Variants in PLCB1 observed in about 807,000 individuals in gnomAD.
PLCB1 encodes phospholipase C beta 1.
A neutral mutation model predicts 161.8 loss-of-function variants in PLCB1; 46 were observed. The ratio of observed to expected loss-of-function variants is 0.28; its 90% CI spans 0.22 to 0.36. PLCB1 has a LOEUF of 0.36. Among genes scored for constraint, PLCB1 ranks in the 10% least tolerant of loss-of-function variants. PLCB1 has a pLI of 1.00. For missense variants in PLCB1, 1,016 were observed against 1,472.5 expected, an observed-to-expected ratio of 0.69 and a Z score of 5.07; for synonymous variants, 517 against 503.7, an observed-to-expected ratio of 1.03 and a Z score of -0.35.
intron 3 of PLCB1, among the ~76,000 whole-genome samples, chr20:8,406,742 GT>G (rs1978804105): frequency 1.3e-5 from 2 of 152,240 alleles, no homozygotes; most frequent in South Asian, 4.1e-4. Flanking sequence ...CTATTATTCA[GT>G]TTTACCAGTA....
At chr20:8,833,996 C>G (rs930650512) in intron 31 of PLCB1, among the ~76,000 whole-genome samples, 1 of 152,120 alleles carries the variant, frequency 6.6e-6, no homozygotes, top group South Asian at 2.1e-4. Context: ...AAAAAAAAAT[C>G]TGATCAAAAG....
chr20:8,482,196 C>T (rs999266912), intron 3 of PLCB1, among the ~76,000 whole-genome samples: 6 of 146,260 alleles, frequency 4.1e-5, no homozygotes, highest in African/African-American at 5.1e-5. Context: ...CTCTGCCTCT[C>T]GGGTTCAAGC....
intron 3 of PLCB1, among the ~76,000 whole-genome samples, chr20:8,483,140 A>G (rs1402284526): frequency 2.0e-5 from 3 of 152,350 alleles, no homozygotes; most frequent in Non-Finnish European, 4.4e-5. Context: ...ATTTCTATCT[A>G]ATAAACATTA....
rs1235694748 is a variant in PLCB1 at position 8,831,979 on chromosome 20, T to TTTCC, written c.3423+41722_3423+41725dup. 3.2e-4 allele frequency among the ~76,000 whole-genome samples: 37 copies of TTTCC among 115,556 alleles called. 7 individuals are homozygous for TTTCC. Among genetic ancestry groups the TTTCC allele is most frequent in the African/African-American group, 5.7e-4 (18 of 31,752 alleles). The allele number at this position is 115,556 out of a possible 152,430, so 75.8% of individuals were successfully genotyped here. ...CTTTCTTTCTTTCTTTCTTTCTTTC[T>TTTCC]TTCCTTCTTTCTTTCTGTGCTTCTT... On this transcript the variant is annotated intron_variant, in intron 31 of 31. Transcript: ENST00000338037.
At chr20:8,697,013 G>A (rs1201644265) in intron 10 of PLCB1, among the ~76,000 whole-genome samples, 4 of 152,174 alleles carry the variant, frequency 2.6e-5, no homozygotes, top group South Asian at 2.1e-4. Flanking sequence ...GATTATAGGC[G>A]TGAGCCACTG....
intron 2 of PLCB1, among the ~76,000 whole-genome samples, chr20:8,267,415 A>G (rs1416161671): frequency 6.6e-6 from 1 of 152,126 alleles, no homozygotes; most frequent in African/African-American, 2.4e-5. Context: ...TCTCTGTGGT[A>G]TAATCCATGC....
chr20:8,178,267 A>G (rs528530733), intron 2 of PLCB1, among the ~76,000 whole-genome samples: 1 of 152,326 alleles, frequency 6.6e-6, no homozygotes, highest in East Asian at 1.9e-4. Context: ...GAAATAGCCA[A>G]ACTGCTTTCC....
intron 2 of PLCB1, among the ~76,000 whole-genome samples, chr20:8,220,968 A>G (rs982615125): frequency 6.6e-6 from 1 of 152,188 alleles, no homozygotes; most frequent in Non-Finnish European, 1.5e-5. Flanking sequence ...TTTGGGACAC[A>G]GATGAGATTA....
intron 15 of PLCB1, among the ~76,000 whole-genome samples, chr20:8,723,580 T>A (rs1235745932): frequency 2.0e-5 from 3 of 152,166 alleles, no homozygotes; most frequent in Non-Finnish European, 4.4e-5. Context: ...AACATGAGAT[T>A]GTAGTACCAC....
At chr20:8,486,951 G>A (rs890277185) in intron 3 of PLCB1, among the ~76,000 whole-genome samples, 3 of 152,182 alleles carry the variant, frequency 2.0e-5, no homozygotes, top group Non-Finnish European at 4.4e-5. Flanking sequence ...AATCCAGGCA[G>A]GTTGCAGGTG....
chr20:8,293,187 G>A (rs1039324183), intron 2 of PLCB1, among the ~76,000 whole-genome samples: 1 of 152,070 alleles, frequency 6.6e-6, no homozygotes, highest in South Asian at 2.1e-4. Context: ...GTTTTGCTTG[G>A]TAGCTTGCAT....
At chr20:8,245,179 A>G (rs899878598) in intron 2 of PLCB1, among the ~76,000 whole-genome samples, 2 of 151,794 alleles carry the variant, frequency 1.3e-5, no homozygotes, top group Non-Finnish European at 2.9e-5. Flanking sequence ...GTCTTTTTTG[A>G]AAATGTTTTC....
intron 31 of PLCB1, among the ~76,000 whole-genome samples, chr20:8,857,431 TG>T (rs1987106068): frequency 6.6e-6 from 1 of 152,256 alleles, no homozygotes; most frequent in Non-Finnish European, 1.5e-5. Flanking sequence ...ATTCCATGAA[TG>T]TATCGCACTT....
At chr20:8,715,334 G>A (rs758709458) in intron 12 of PLCB1, among the ~76,000 whole-genome samples, 4 of 152,238 alleles carry the variant, frequency 2.6e-5, no homozygotes, top group Non-Finnish European at 5.9e-5. Flanking sequence ...ACTGGGCGTA[G>A]GATTTGTCTA....
rs1221386760 is a variant in PLCB1, at chr20:8,754,907, A to T, written c.2524-2139A>T. 3.3e-5 allele frequency among the ~76,000 whole-genome samples: 5 copies of T among 152,236 alleles called. No individual in the cohort carries two copies. In the East Asian group the frequency reaches 9.6e-4, roughly 29 times the overall value. On this transcript the variant is annotated intron_variant, in intron 23 of 31. Coordinates refer to ENST00000338037, the MANE Select transcript of PLCB1 (RefSeq NM_015192.4). ...TTTGCAATGTCTTGCTGAACAACAC[A>T]TACACAATCCTTTCCCTTTGCATAT... is the stretch of plus-strand genomic sequence containing the variant.
At chr20:8,235,558 G>C (rs1276330643) in intron 2 of PLCB1, among the ~76,000 whole-genome samples, 1 of 152,054 alleles carries the variant, frequency 6.6e-6, no homozygotes, top group Non-Finnish European at 1.5e-5. Context: ...CATCATACAT[G>C]ATAGTAACAT....
intron 2 of PLCB1, among the ~76,000 whole-genome samples, chr20:8,236,133 C>T (rs1204457270): frequency 1.3e-5 from 2 of 151,964 alleles, no homozygotes; most frequent in African/African-American, 2.4e-5. Context: ...ATTATGCCAA[C>T]CAAAATTTCA....
At chr20:8,712,309 A>C (rs1449666614) in intron 12 of PLCB1, among the ~76,000 whole-genome samples, 1 of 152,142 alleles carries the variant, frequency 6.6e-6, no homozygotes, top group African/African-American at 2.4e-5. Context: ...AAACTAAATT[A>C]ATTAAAAAAG....
chr20:8,676,096 G>A (rs945561190), intron 9 of PLCB1, among the ~76,000 whole-genome samples: 1 of 152,246 alleles, frequency 6.6e-6, no homozygotes, highest in Non-Finnish European at 1.5e-5. Context: ...CAGGCCGGGC[G>A]CGGCGGCTCC....
Sources: allele counts gnomAD v4.1 joint callset (sites outside exome capture counted in the v4.1 genomes callset), GRCh38; gene constraint gnomAD v4.1.1; transcripts MANE v1.5; gene names NCBI Gene and HGNC (gene_info 2026-07-23, HGNC 2026-07-21).